Variants in GGA1 observed in about 807,000 individuals in gnomAD.
GGA1 encodes the protein golgi associated, gamma adaptin ear containing, ARF binding protein 1.
Under a neutral mutation model 76.9 loss-of-function variants are expected in GGA1, and 18 were observed. That is an observed-to-expected ratio of 0.23 (90% CI 0.16 to 0.35). GGA1 has a LOEUF of 0.35. Among genes scored for constraint, GGA1 ranks in the 10% least tolerant of loss-of-function variants. GGA1 has a pLI of 1.00. For missense variants in GGA1, 755 were observed against 859.0 expected, an observed-to-expected ratio of 0.88 and a Z score of 1.51; for synonymous variants, 342 against 354.7, an observed-to-expected ratio of 0.96 and a Z score of 0.40.
rs752855806 is a variant in GGA1, at chr22:37,632,018, G to T, written c.1551G>T (p.Val517=). The T allele has an allele frequency of 6.2e-7, 1 of 1,612,644 alleles. No homozygotes were observed. Among genetic ancestry groups the T allele is most frequent in the South Asian group, 1.1e-5 (1 of 91,078 alleles). ...CAGGCAACATCCTGCCCGTGACTGT[G>T]TATGACCAGCACGGCTTCCGCATCC... The part of the protein sequence containing the change: ...IKPSNILPVT[V]YDQHGFRILF... The change falls in exon 15 of 17, where the codon GTG becomes GTT. Residue 517 remains valine (V), a synonymous_variant. Coordinates refer to ENST00000343632, the MANE Select transcript of GGA1 (RefSeq NM_013365.5). The surrounding 1 kb of genome is among the most constrained non-coding windows in gnomAD (Gnocchi z 5.1).
intron 1 of GGA1, among the ~76,000 whole-genome samples, chr22:37,611,765 GGGGT>G (rs1927638403): frequency 6.6e-6 from 1 of 152,252 alleles, no homozygotes; most frequent in Non-Finnish European, 1.5e-5. Context: ...TGGCTGGGAA[GGGGT>G]GGTCCTTAGA....
chr22:37,614,120 G>T, intron 1 of GGA1, 70 bp from the exon 2 acceptor site: 3 of 1,055,806 alleles, frequency 2.8e-6, no homozygotes, highest in Non-Finnish European at 4.5e-6. Context: ...CCACACCTTT[G>T]CCAGGGTCAG....
chr22:37,615,474 T>TA (rs2145900769), intron 2 of GGA1, among the ~76,000 whole-genome samples: 1 of 150,428 alleles, frequency 6.6e-6, no homozygotes, highest in Admixed American at 6.6e-5. Flanking sequence ...AAATAAATAA[T>TA]AAAAAATAAG....
chr22:37,608,979 G>T, intron 1 of GGA1, 76 bp downstream of exon 1: 4 of 1,333,924 alleles, frequency 3.0e-6, no homozygotes, highest in Non-Finnish European at 2.9e-6. Context: ...CCCGGCGGGG[G>T]CGGGGTACGG....
intron 1 of GGA1, chr22:37,609,479 G>T (rs1464612031): frequency 4.3e-6 from 1 of 233,884 alleles, no homozygotes; most frequent in South Asian, 6.7e-5. Context: ...CTACAGGCTT[G>T]GGAGAGTCTT....
rs555610511 is a variant in GGA1, at chr22:37,625,807, G to T, written c.951G>T (p.Ser317=). 3 of 1,585,184 alleles carry T rather than the reference G, an allele frequency of 1.9e-6. No homozygotes were observed. The highest frequency in any genetic ancestry group is 2.3e-5 in the East Asian group (1 of 44,248). Residue 317 remains serine, a synonymous_variant, in exon 11 of 17, where the codon TCG becomes TCT. Transcript: ENST00000343632. The surrounding 1 kb of genome is among the most constrained non-coding windows in gnomAD (Gnocchi z 4.1). Reference sequence around the variant, plus strand: ...TCTTTCCCACCCCAGGGAGCACCTCGGCCCTGCTGGATCTCTCAGGCCTGG... The same window carrying T: ...TCTTTCCCACCCCAGGGAGCACCTCTGCCCTGCTGGATCTCTCAGGCCTGG... ...ATAGSIPGST[S]ALLDLSGLDL...
rs567774418 is a variant in GGA1, at chr22:37,625,700, A to G, written c.941-97A>G. 5 of 929,422 alleles carry G rather than the reference A, an allele frequency of 5.4e-6. No homozygotes were observed. The highest frequency in any genetic ancestry group is 3.3e-5 in the African/African-American group (2 of 60,076). The allele number at this position is 929,422 out of a possible 1,614,324, so 57.6% of individuals were successfully genotyped here. Reference sequence around the variant, plus strand: ...AGGGGAGGCAGGAGACCAGTGGTAAAGCATCGGGGGTTAGGTGTTGCTCCC... The same window carrying G: ...AGGGGAGGCAGGAGACCAGTGGTAAGGCATCGGGGGTTAGGTGTTGCTCCC... On this transcript the variant is annotated intron_variant, in intron 10 of 16. Transcript: ENST00000343632. The surrounding 1 kb of genome is among the most constrained non-coding windows in gnomAD (Gnocchi z 4.1).
intron 1 of GGA1, chr22:37,609,295 C>G (rs1014802596): frequency 9.8e-6 from 11 of 1,121,448 alleles, no homozygotes; most frequent in Middle Eastern, 2.5e-4. Context: ...GAGGGAGGGA[C>G]CCTACTATTT....
chr22:37,620,978 T>G, intron 6 of GGA1, 65 bp downstream of exon 6: 1 of 940,472 alleles, frequency 1.1e-6, no homozygotes, highest in Non-Finnish European at 1.8e-6. Context: ...GGTTCTGACC[T>G]CTAGCTGCCC....
In GGA1 at chr22:37,625,733, C is replaced by T; in HGVS notation, c.941-64C>T. The T allele has an allele frequency of 1.5e-6, 2 of 1,303,160 alleles. No homozygotes were observed. Among genetic ancestry groups the T allele is most frequent in the Non-Finnish European group, 1.0e-6 (1 of 966,954 alleles). 80.7% of individuals were successfully genotyped at this position (1,303,160 alleles called of 1,614,324 possible). ...GGGTTAGGTGTTGCTCCCCCGCAACCCCTGTGGACTCTGAGAGACACGTGT... is the reference window on the plus strand; with the variant it reads ...GGGTTAGGTGTTGCTCCCCCGCAACTCCTGTGGACTCTGAGAGACACGTGT... On this transcript the variant is annotated intron_variant, in intron 10 of 16. Transcript: ENST00000343632. The surrounding 1 kb of genome is among the most constrained non-coding windows in gnomAD (Gnocchi z 4.1).
At chr22:37,630,799 C>A in intron 13 of GGA1, 104 bp from the exon 14 acceptor site, 1 of 770,522 alleles carries the variant, frequency 1.3e-6, no homozygotes, top group Non-Finnish European at 2.2e-6. Context: ...AACTCCTGAG[C>A]TCAAGCGATC....
intron 13 of GGA1, 31 bp from the exon 14 acceptor site, chr22:37,630,872 T>C (rs898339473): frequency 1.3e-6 from 2 of 1,537,704 alleles, no homozygotes; most frequent in African/African-American, 1.4e-5. Flanking sequence ...TGGCCAAGAA[T>C]CACTTCTTAA....
Position 37,630,937 on chromosome 22 carries a change from C to T in GGA1, c.1366C>T (p.Arg456Trp), listed in dbSNP as rs144625677. ...KQQPTPRLTL[R>W]DLQNKSSSCS... The stretch of plus-strand genomic sequence containing the variant: ...GCAGCCAACCCCCCGGCTCACACTC[C>T]GGGACCTGCAGAATAAGAGCAGCAG... The change falls in exon 14 of 17, where the codon CGG becomes TGG. Residue 456 changes from arginine (R) to tryptophan (W), a missense_variant. Coordinates refer to ENST00000343632, the MANE Select transcript of GGA1 (RefSeq NM_013365.5). 53 of 1,613,088 alleles carry T rather than the reference C, an allele frequency of 3.3e-5. No homozygotes were observed. Among genetic ancestry groups the T allele is most frequent in the Non-Finnish European group, 4.1e-5 (48 of 1,179,796 alleles).
At chr22:37,614,088 C>A in intron 1 of GGA1, 102 bp from the exon 2 acceptor site, 2 of 816,078 alleles carry the variant, frequency 2.5e-6, no homozygotes, top group Non-Finnish European at 4.3e-6. Flanking sequence ...CGTGCTCAGT[C>A]ACACTCCTCT....
chr22:37,628,538 C>T (rs960087964), intron 11 of GGA1, among the ~76,000 whole-genome samples: 51 of 152,166 alleles, frequency 3.4e-4, no homozygotes, highest in Non-Finnish European at 2.1e-4. Context: ...TTTTCTTATC[C>T]CTAAAAGAGG....
chr22:37,611,801 G>A (rs535456840), intron 1 of GGA1, among the ~76,000 whole-genome samples: 1 of 152,352 alleles, frequency 6.6e-6, no homozygotes, highest in South Asian at 2.1e-4. Flanking sequence ...GAGAAATGAA[G>A]ATCGAGCTCT....
At position 37,632,893 on chromosome 22, in the gene GGA1, T is replaced by C. The variant is rs1417884476; in HGVS notation, c.*182T>C. On this transcript the variant is annotated 3_prime_UTR_variant, in exon 17 of 17. Transcript: ENST00000343632. This position sits in a 1 kb window ranked among gnomAD's most constrained non-coding sequence, Gnocchi z 5.1. ...CCCCCTCCTGCTCCGGCCCCGCCCC[T>C]GCTGAGCCAAACCCAGTAGGAGGCT... 3.4e-6 allele frequency: 2 copies of C among 589,478 alleles called. No individual in the cohort carries two copies. Among genetic ancestry groups the C allele is most frequent in the Non-Finnish European group, 6.1e-6 (2 of 328,340 alleles). 36.5% of individuals were successfully genotyped at this position (589,478 alleles called of 1,614,324 possible).
rs1259817809 is a variant in GGA1, at chr22:37,624,615, CA to C, written c.833-353del. 1 of 228,432 alleles carries C rather than the reference CA, an allele frequency of 4.4e-6. No individual in the cohort carries two copies. The highest frequency in any genetic ancestry group is 2.2e-5 in the African/African-American group (1 of 45,344). 14.2% of individuals were successfully genotyped at this position (228,432 alleles called of 1,614,324 possible). ...GAGGTGGTGCAGGAGGGATTTAGGA[CA>C]GGCCTCCCTGAGGTGAGCCTTGGGT... On this transcript the variant is annotated intron_variant, in intron 9 of 16. Transcript: ENST00000343632. This position sits in a 1 kb window ranked among gnomAD's most constrained non-coding sequence, Gnocchi z 4.3.
At position 37,630,926 on chromosome 22, in the gene GGA1, G is replaced by A. The variant is rs374503060; in HGVS notation, c.1355G>A (p.Arg452Gln). The change falls in exon 14 of 17, where the codon CGG becomes CAG. Residue 452 changes from arginine to glutamine, a missense_variant. Transcript: ENST00000343632. ...AGGGAGAAGCAGCAGCCAACCCCCC[G>A]GCTCACACTCCGGGACCTGCAGAAT... Reference protein sequence around the residue: ...VRWEKQQPTPRLTLRDLQNKS... With the variant: ...VRWEKQQPTPQLTLRDLQNKS... The A allele has an allele frequency of 6.0e-5, 96 of 1,611,728 alleles. No homozygotes were observed. Among genetic ancestry groups the A allele is most frequent in the Non-Finnish European group, 7.3e-5 (86 of 1,179,404 alleles).
Sources: gnomAD v4.1 joint callset for allele counts (sites outside exome capture counted in the v4.1 genomes callset) on GRCh38, gnomAD v4.1.1 for gene constraint, Gnocchi (gnomAD v3.1) non-coding constraint, MANE v1.5 for transcripts, NCBI Gene and HGNC (gene_info 2026-07-23, HGNC 2026-07-21) for gene names.